Variants in MACROD2 observed in about 807,000 individuals in gnomAD.
The protein encoded by MACROD2 is ADP-ribose glycohydrolase MACROD2.
Under a neutral mutation model 70.4 loss-of-function variants are expected in MACROD2, and 36 were observed. That is an observed-to-expected ratio of 0.51 (90% CI 0.39 to 0.68). The LOEUF is 0.68. Ranked by LOEUF, MACROD2 falls within the 30% of genes least tolerant of loss-of-function variation. MACROD2 has a pLI of 0.00. For synonymous variants in MACROD2, 172 were observed against 178.8 expected, an observed-to-expected ratio of 0.96 and a Z score of 0.30; for missense variants, 496 against 538.4, an observed-to-expected ratio of 0.92 and a Z score of 0.78.
intron 5 of MACROD2, among the ~76,000 whole-genome samples, chr20:15,214,523 A>G (rs2076791962): frequency 6.6e-6 from 1 of 152,128 alleles, no homozygotes; most frequent in South Asian, 2.1e-4. Context: ...TTCCATCTCT[A>G]AAAAAACAAA....
intron 3 of MACROD2, among the ~76,000 whole-genome samples, chr20:14,145,539 T>G (rs1474737258): frequency 1.3e-5 from 2 of 152,220 alleles, no homozygotes; most frequent in Admixed American, 6.5e-5. Flanking sequence ...CTGGGGAATA[T>G]CAGAAACACT....
At chr20:15,522,862 G>A (rs780886995) in intron 8 of MACROD2, among the ~76,000 whole-genome samples, 22 of 152,106 alleles carry the variant, frequency 1.4e-4, no homozygotes, top group Non-Finnish European at 2.4e-4. Context: ...TCTAGGAGAC[G>A]GAGAGTTTTA....
chr20:14,521,963 C>G (rs539213411), intron 4 of MACROD2, among the ~76,000 whole-genome samples: 1 of 152,162 alleles, frequency 6.6e-6, no homozygotes, highest in Admixed American at 6.5e-5. Context: ...AGCAGCACTC[C>G]CCACCAATGC....
intron 6 of MACROD2, among the ~76,000 whole-genome samples, chr20:15,238,841 C>A (rs1204012468): frequency 1.3e-5 from 2 of 152,160 alleles, no homozygotes; most frequent in Non-Finnish European, 2.9e-5. Context: ...AGGGAACATT[C>A]TCAGGAAAAT....
intron 6 of MACROD2, among the ~76,000 whole-genome samples, chr20:15,417,381 A>G (rs1325586639): frequency 6.6e-6 from 1 of 151,788 alleles, no homozygotes; most frequent in Non-Finnish European, 1.5e-5. Flanking sequence ...GCTTGAGCTC[A>G]GGAGTTTGAG....
intron 5 of MACROD2, among the ~76,000 whole-genome samples, chr20:14,914,601 C>A (rs1404851442): frequency 6.6e-6 from 1 of 152,154 alleles, no homozygotes. Context: ...GGGATCCATC[C>A]ATGCATTTTA....
chr20:14,468,555 G>A (rs1600271432), intron 3 of MACROD2, among the ~76,000 whole-genome samples: 2 of 150,110 alleles, frequency 1.3e-5, no homozygotes, highest in African/African-American at 2.5e-5. Context: ...CTCTGTCACC[G>A]AGGCTGGAGT....
chr20:15,069,480 A>C (rs1347670219), intron 5 of MACROD2, among the ~76,000 whole-genome samples: 1 of 152,198 alleles, frequency 6.6e-6, no homozygotes, highest in Non-Finnish European at 1.5e-5. Flanking sequence ...GCATTTCAGA[A>C]CTCTAGGCTG....
At chr20:14,953,572 A>G (rs937043971) in intron 5 of MACROD2, among the ~76,000 whole-genome samples, 1 of 152,110 alleles carries the variant, frequency 6.6e-6, no homozygotes, top group African/African-American at 2.4e-5. Context: ...CCCAAAGTTC[A>G]GGGATTACAG....
chr20:14,520,253 T>C (rs1412164930), intron 4 of MACROD2, among the ~76,000 whole-genome samples: 1 of 152,174 alleles, frequency 6.6e-6, no homozygotes, highest in African/African-American at 2.4e-5. Context: ...AGGCTTCTTT[T>C]AAAAGATGGT....
intron 5 of MACROD2, among the ~76,000 whole-genome samples, chr20:14,835,125 C>T (rs559243873): frequency 5.3e-5 from 8 of 152,012 alleles, no homozygotes; most frequent in Admixed American, 2.0e-4. Context: ...CTATAACAAC[C>T]TTTTTTTCCA....
intron 3 of MACROD2, among the ~76,000 whole-genome samples, chr20:14,305,603 A>G (rs190305213): frequency 4.2e-4 from 64 of 152,316 alleles, no homozygotes; most frequent in African/African-American, 1.5e-3. Context: ...ATGGCATACT[A>G]TTCAACAAAG....
At chr20:14,167,365 T>C (rs966686436) in intron 3 of MACROD2, among the ~76,000 whole-genome samples, 3 of 152,138 alleles carry the variant, frequency 2.0e-5, no homozygotes, top group African/African-American at 4.8e-5. Flanking sequence ...TCAGAGACTA[T>C]ATATAATATC....
chr20:15,899,382 A>T (rs938407691), intron 10 of MACROD2, among the ~76,000 whole-genome samples: 1 of 152,220 alleles, frequency 6.6e-6, no homozygotes, highest in African/African-American at 2.4e-5. Flanking sequence ...GGAAAGATAC[A>T]TATCAAGTTG....
chr20:15,138,549 G>T (rs1321730729), intron 5 of MACROD2, among the ~76,000 whole-genome samples: 1 of 152,148 alleles, frequency 6.6e-6, no homozygotes, highest in African/African-American at 2.4e-5. Context: ...TGCTCAGCTA[G>T]ATTGGTCTAA....
chr20:14,743,861 C>G (rs1176874916), intron 5 of MACROD2, among the ~76,000 whole-genome samples: 1 of 152,070 alleles, frequency 6.6e-6, no homozygotes, highest in Admixed American at 6.6e-5. Context: ...TCTTAACAGT[C>G]TTTATAATAC....
chr20:14,952,513 G>T (rs931252111), intron 5 of MACROD2, among the ~76,000 whole-genome samples: 2 of 152,056 alleles, frequency 1.3e-5, no homozygotes, highest in Non-Finnish European at 2.9e-5. Context: ...CTTATGCAGG[G>T]AACAACTTAT....
intron 3 of MACROD2, among the ~76,000 whole-genome samples, chr20:14,230,228 T>A (rs888108309): frequency 1.3e-5 from 2 of 152,062 alleles, no homozygotes; most frequent in Non-Finnish European, 2.9e-5. Context: ...CCTTTCAATT[T>A]CTCTGTAGCA....
intron 5 of MACROD2, among the ~76,000 whole-genome samples, chr20:15,173,127 T>C (rs1012666577): frequency 6.9e-6 from 1 of 145,924 alleles, no homozygotes; most frequent in Non-Finnish European, 1.5e-5. Flanking sequence ...ATTTTGCAAA[T>C]TTTAAATAAT....
Sources: gnomAD v4.1 joint callset for allele counts (sites outside exome capture counted in the v4.1 genomes callset) on GRCh38, gnomAD v4.1.1 for gene constraint, MANE v1.5 for transcripts, NCBI Gene and HGNC (gene_info 2026-07-23, HGNC 2026-07-21) for gene names.